RILPL1: variants seen among roughly 807,000 people sequenced by gnomAD.
RILPL1 encodes RILP-like protein 1.
Under a neutral mutation model 50.3 loss-of-function variants are expected in RILPL1, and 33 were observed. That is an observed-to-expected ratio of 0.66 (90% confidence interval 0.50 to 0.88). The LOEUF (loss-of-function observed/expected upper bound fraction) is 0.88. Ranked by LOEUF, RILPL1 falls within the 40% of genes least tolerant of loss-of-function variation. RILPL1 has a pLI of 0.00. For missense variants in RILPL1, 418 were observed against 542.5 expected (o/e 0.77, Z 2.28); for synonymous variants, 205 against 228.6 (o/e 0.90, Z 0.93).
intron 2 of RILPL1, among the ~76,000 whole-genome samples, chr12:123,509,241 T>C (rs1046121402): frequency 2.0e-5 from 3 of 152,110 alleles, no homozygotes; most frequent in Non-Finnish European, 4.4e-5. Context: ...GGTCTGTCCA[T>C]ACAACGGAAT....
chr12:123,504,662 C>T (rs1476475625), intron 2 of RILPL1, among the ~76,000 whole-genome samples: 1 of 152,168 alleles, frequency 6.6e-6, no homozygotes, highest in Admixed American at 6.6e-5. Context: ...CTGCTTTACA[C>T]CCTGGACCTT....
rs552149856 is a variant in RILPL1 at position 123,489,055 on chromosome 12, G to A, written c.802-3250C>T. 2.0e-4 allele frequency among the ~76,000 whole-genome samples: 30 copies of A among 152,108 alleles called. No homozygotes were observed. Among genetic ancestry groups the A allele is most frequent in the Non-Finnish European group, 3.5e-4 (24 of 68,022 alleles). On this transcript the variant is annotated intron_variant, in intron 4 of 6. Coordinates refer to ENST00000376874, the MANE Select transcript of RILPL1 (RefSeq NM_178314.5). The surrounding 1 kb of genome is among the most constrained non-coding windows in gnomAD (Gnocchi z 4.0). The stretch of plus-strand genomic sequence containing the variant: ...TACAACAGGTGACGGATATGCGGCC[G>A]GCATTCAATCGCGCCAGTTCTCCTC...
chr12:123,523,694 C>T lies in RILPL1; in HGVS notation c.310-49G>A, dbSNP rs755540421. ...GGGGTCACTGCCTGCCCAGAGCAGC[C>T]GCCCCACCCACTCCGACCCTCAGGG... On this transcript the variant is annotated intron_variant, in intron 1 of 6. Coordinates refer to ENST00000376874, the MANE Select transcript of RILPL1 (RefSeq NM_178314.5). 2.9e-5 allele frequency: 46 copies of T among 1,581,712 alleles called. 1 individual carries two copies. Among genetic ancestry groups the T allele is most frequent in the Non-Finnish European group, 3.6e-5 (42 of 1,168,282 alleles).
At chr12:123,512,052 TCTGTGTGTG>T in intron 2 of RILPL1, among the ~76,000 whole-genome samples, 1 of 137,312 alleles carries the variant, frequency 7.3e-6, no homozygotes, top group Non-Finnish European at 1.6e-5. Flanking sequence ...GTGTGTGAGG[TCTGTGTGTG>T]GTGTGTGAGG....
chr12:123,486,307 C>T (rs1407286280), intron 4 of RILPL1, among the ~76,000 whole-genome samples: 1 of 152,106 alleles, frequency 6.6e-6, no homozygotes, highest in African/African-American at 2.4e-5. Flanking sequence ...AGGTCCTCTC[C>T]TCCCCAGTGG....
intron 6 of RILPL1, among the ~76,000 whole-genome samples, chr12:123,481,358 CAAAAA>C (rs1250502610): frequency 1.9e-5 from 2 of 107,040 alleles, no homozygotes. Context: ...GACTCCCTCT[CAAAAA>C]AAAAAAAAAA....
intron 2 of RILPL1, among the ~76,000 whole-genome samples, chr12:123,517,812 C>T (rs759787458): frequency 2.6e-5 from 4 of 152,150 alleles, no homozygotes; most frequent in Admixed American, 6.6e-5. Context: ...ACATATGCTG[C>T]AAACATAAAA....
At position 123,479,779 on chromosome 12, in the gene RILPL1, C is replaced by T. The variant is rs548242206; in HGVS notation, c.1067+4401G>A. 9.8e-5 allele frequency among the ~76,000 whole-genome samples: 15 copies of T among 152,322 alleles called. No individual in the cohort carries two copies. In the East Asian group the frequency reaches 1.5e-3, roughly 16 times the overall value. On this transcript the variant is annotated intron_variant, in intron 6 of 6. Coordinates refer to ENST00000376874, the MANE Select transcript of RILPL1 (RefSeq NM_178314.5). ...GTCTTTCTCTGAGTCTGTCCCTGCCCGGCTCAGAGCCCCACACTTTCCTGA... is the reference window on the plus strand; with the variant it reads ...GTCTTTCTCTGAGTCTGTCCCTGCCTGGCTCAGAGCCCCACACTTTCCTGA...
chr12:123,525,931 A>G (rs2139389518), intron 1 of RILPL1, among the ~76,000 whole-genome samples: 1 of 152,142 alleles, frequency 6.6e-6, no homozygotes, highest in Non-Finnish European at 1.5e-5. Context: ...AAACAAACAA[A>G]CAAACAAACA....
rs1882248046 is a variant in RILPL1, at chr12:123,485,213, CAT to C, written c.974+418_974+419del. ...TCTGGTCTCATGTTGCTTGTGGTCTCATGTGGAAACCTACAATAAAGCAAGCA... is the reference window on the plus strand; with the variant it reads ...TCTGGTCTCATGTTGCTTGTGGTCTCGTGGAAACCTACAATAAAGCAAGCA... On this transcript the variant is annotated intron_variant, in intron 5 of 6. Transcript: ENST00000376874. The surrounding 1 kb of genome is among the most constrained non-coding windows in gnomAD (Gnocchi z 4.0). 2.2e-6 allele frequency: 1 copy of C among 457,576 alleles called. No individual in the cohort carries two copies. The highest frequency in any genetic ancestry group is 1.5e-5 in the South Asian group (1 of 64,576). 28.3% of individuals were successfully genotyped at this position (457,576 alleles called of 1,614,324 possible). A position where few individuals can be genotyped will look rare whatever the true frequency, so the allele number is the denominator to read the frequency against.
In RILPL1 at chr12:123,533,123, G is replaced by A; in HGVS notation, c.309+51C>T. ...AGCTGCCCAATGCGGAAGAGCCCTTGGGTCCCCGCGGTCCCACTGCCCGGA... is the reference window on the plus strand; with the variant it reads ...AGCTGCCCAATGCGGAAGAGCCCTTAGGTCCCCGCGGTCCCACTGCCCGGA... On this transcript the variant is annotated intron_variant, in intron 1 of 6. Transcript: ENST00000376874. The surrounding 1 kb of genome is among the most constrained non-coding windows in gnomAD (Gnocchi z 6.2). 9 of 1,470,630 alleles carry A rather than the reference G, an allele frequency of 6.1e-6. No individual in the cohort carries two copies. The highest frequency in any genetic ancestry group is 8.1e-6 in the Non-Finnish European group (9 of 1,104,784). The allele number at this position is 1,470,630 out of a possible 1,614,324, so 91.1% of individuals were successfully genotyped here.
chr12:123,502,017 T>C (rs1593566704), intron 2 of RILPL1, among the ~76,000 whole-genome samples: 1 of 148,410 alleles, frequency 6.7e-6, no homozygotes, highest in South Asian at 2.1e-4. Flanking sequence ...GAGGTGGAGG[T>C]TGTGGTGAGC....
chr12:123,531,074 T>C (rs1885426691), intron 1 of RILPL1, among the ~76,000 whole-genome samples: 1 of 151,844 alleles, frequency 6.6e-6, no homozygotes, highest in African/African-American at 2.4e-5. Context: ...AAAAACATTT[T>C]TGTGGAAATA....
chr12:123,486,186 T>A (rs1882322519), intron 4 of RILPL1, among the ~76,000 whole-genome samples: 1 of 152,154 alleles, frequency 6.6e-6, no homozygotes, highest in South Asian at 2.1e-4. Flanking sequence ...CTAAGACCAT[T>A]GCTAATTTGG....
At position 123,485,050 on chromosome 12, in the gene RILPL1, A is replaced by G. The variant is rs189833557; in HGVS notation, c.974+583T>C. ...TTTTTATGCATCTCTTATCTTCCCC[A>G]CTGGAGCAGGGACCACCTCTGGTGC... On this transcript the variant is annotated intron_variant, in intron 5 of 6. Coordinates refer to ENST00000376874, the MANE Select transcript of RILPL1 (RefSeq NM_178314.5). This position sits in a 1 kb window ranked among gnomAD's most constrained non-coding sequence, Gnocchi z 4.0. The G allele has an allele frequency of 1.2e-5, 5 of 432,710 alleles. No individual in the cohort carries two copies. The Admixed American group carries it at 1.3e-4, about 11-fold the overall frequency. The allele number at this position is 432,710 out of a possible 1,614,324, so 26.8% of individuals were successfully genotyped here.
chr12:123,530,552 C>A (rs897283119), intron 1 of RILPL1, among the ~76,000 whole-genome samples: 6 of 152,170 alleles, frequency 3.9e-5, no homozygotes, highest in African/African-American at 1.4e-4. Flanking sequence ...CTCATCAGGG[C>A]CAAGGCCTCA....
rs562724023 is a variant in RILPL1, at chr12:123,486,890, C to G, written c.802-1085G>C. ...CTCAGCTCACTGCAAACTCCACCACCCGGGTTCAAGCCATCCTCCTGCCTC... is the reference window on the plus strand; with the variant it reads ...CTCAGCTCACTGCAAACTCCACCACGCGGGTTCAAGCCATCCTCCTGCCTC... On this transcript the variant is annotated intron_variant, in intron 4 of 6. Transcript: ENST00000376874. Among the ~76,000 whole-genome samples the G allele has an allele frequency of 8.5e-5, 13 of 152,192 alleles. No homozygotes were observed. In the East Asian group the frequency reaches 2.5e-3, roughly 29 times the overall value.
chr12:123,510,801 G>T (rs1382804548), intron 2 of RILPL1, among the ~76,000 whole-genome samples: 1 of 117,412 alleles, frequency 8.5e-6, no homozygotes, highest in Non-Finnish European at 1.8e-5. Context: ...TGTGTGATGT[G>T]TGTGTGTAGT....
chr12:123,485,099 T>TA lies in RILPL1; in HGVS notation c.974+533dup. ...GCATGGGTCCTTCCTTCCAGCTTTCTATTCAACAGATATTTGTTGTGCACC... is the reference window on the plus strand; with the variant it reads ...GCATGGGTCCTTCCTTCCAGCTTTCTAATTCAACAGATATTTGTTGTGCACC... On this transcript the variant is annotated intron_variant, in intron 5 of 6. Coordinates refer to ENST00000376874, the MANE Select transcript of RILPL1 (RefSeq NM_178314.5). This position sits in a 1 kb window ranked among gnomAD's most constrained non-coding sequence, Gnocchi z 4.0. 1 of 453,820 alleles carries TA rather than the reference T, an allele frequency of 2.2e-6. No homozygotes were observed. The highest frequency in any genetic ancestry group is 4.4e-6 in the Non-Finnish European group (1 of 224,872). 28.1% of individuals were successfully genotyped at this position (453,820 alleles called of 1,614,324 possible). A position where few individuals can be genotyped will look rare whatever the true frequency, so the allele number is the denominator to read the frequency against.
Sources: gnomAD v4.1 joint callset for allele counts (sites outside exome capture counted in the v4.1 genomes callset) on GRCh38, gnomAD v4.1.1 for gene constraint, Gnocchi (gnomAD v3.1) non-coding constraint, MANE v1.5 for transcripts, NCBI Gene and HGNC (gene_info 2026-07-23, HGNC 2026-07-21) for gene names.